TSHZ1: variants seen among roughly 807,000 people sequenced by gnomAD.
TSHZ1 encodes teashirt homolog 1.
In TSHZ1, 12 loss-of-function variants were observed where a neutral mutation model predicts 67.1. The observed-to-expected ratio is 0.18, with a 90% confidence interval of 0.11 to 0.29. The LOEUF is 0.29. Ranked by LOEUF, TSHZ1 falls within the 10% of genes least tolerant of loss-of-function variation. The pLI is 1.00. For synonymous variants in TSHZ1, 632 were observed against 622.4 expected (o/e 1.02, Z -0.23); for missense variants, 1,305 against 1,413.9 (o/e 0.92, Z 1.23).
At chr18:75,231,625 C>T (rs938293933) in intron 1 of TSHZ1, among the ~76,000 whole-genome samples, 11 of 152,154 alleles carry the variant, frequency 7.2e-5, no homozygotes, top group Non-Finnish European at 1.0e-4. Flanking sequence ...ACCTCTGCCT[C>T]CTGGGTTCAA....
chr18:75,288,663 G>A lies in TSHZ1; in HGVS notation c.*22G>A, dbSNP rs749649951. 2.1e-5 allele frequency: 32 copies of A among 1,552,656 alleles called. 2 individuals carry two copies. In the South Asian group the frequency reaches 2.3e-4, roughly 11 times the overall value. ...GTAGCGTCCAGGTATGCAAGAGACCGCGGAACATTGCACTAAACGTCGTCG... is the reference window on the plus strand; with the variant it reads ...GTAGCGTCCAGGTATGCAAGAGACCACGGAACATTGCACTAAACGTCGTCG... On this transcript the variant is annotated 3_prime_UTR_variant, in exon 2 of 2. Transcript: ENST00000580243. The surrounding 1 kb of genome is among the most constrained non-coding windows in gnomAD (Gnocchi z 4.9).
chr18:75,277,205 C>T (rs540240034), intron 1 of TSHZ1, among the ~76,000 whole-genome samples: 1 of 152,212 alleles, frequency 6.6e-6, no homozygotes, highest in Admixed American at 6.5e-5. Context: ...AAGACGGATG[C>T]TGGCTCAGCT....
intron 1 of TSHZ1, among the ~76,000 whole-genome samples, chr18:75,267,967 TAAC>T (rs1384926308): frequency 6.6e-6 from 1 of 152,220 alleles, no homozygotes; most frequent in Admixed American, 6.5e-5. Context: ...AGGGGGTTAT[TAAC>T]AATATAAATC....
rs1029262731 is a variant in TSHZ1 at position 75,288,932 on chromosome 18, A to T, written c.*291A>T. The T allele has an allele frequency of 7.3e-6, 2 of 275,362 alleles. No individual in the cohort carries two copies. Among genetic ancestry groups the T allele is most frequent in the Non-Finnish European group, 1.4e-5 (2 of 140,282 alleles). 17.1% of individuals were successfully genotyped at this position (275,362 alleles called of 1,614,324 possible). On this transcript the variant is annotated 3_prime_UTR_variant, in exon 2 of 2. Transcript: ENST00000580243. This position sits in a 1 kb window ranked among gnomAD's most constrained non-coding sequence, Gnocchi z 4.9. ...ACACTACTCAGAGACATTATTTAGC[A>T]GTAAAGAAAGACACAAATAACAATG...
intron 1 of TSHZ1, among the ~76,000 whole-genome samples, chr18:75,240,180 T>C (rs1250762764): frequency 2.6e-5 from 4 of 152,230 alleles, no homozygotes; most frequent in African/African-American, 4.8e-5. Context: ...TAAGCAAAGC[T>C]AAAATTTGCT....
chr18:75,224,427 G>C (rs1406958748), intron 1 of TSHZ1, among the ~76,000 whole-genome samples: 2 of 152,104 alleles, frequency 1.3e-5, no homozygotes, highest in African/African-American at 4.8e-5. Flanking sequence ...ATCAAGGACA[G>C]GTCATAAAGT....
At chr18:75,222,121 G>C (rs902301033) in intron 1 of TSHZ1, among the ~76,000 whole-genome samples, 1 of 152,084 alleles carries the variant, frequency 6.6e-6, no homozygotes, top group Non-Finnish European at 1.5e-5. Context: ...AGGAAGCCGC[G>C]CACAAAGGTC....
intron 1 of TSHZ1, among the ~76,000 whole-genome samples, chr18:75,217,346 A>G (rs2022783330): frequency 6.6e-6 from 1 of 152,158 alleles, no homozygotes; most frequent in Admixed American, 6.5e-5. Flanking sequence ...GAATCGAATA[A>G]TAGAACTAGT....
At chr18:75,236,012 T>C (rs901466626) in intron 1 of TSHZ1, among the ~76,000 whole-genome samples, 2 of 152,128 alleles carry the variant, frequency 1.3e-5, no homozygotes, top group Non-Finnish European at 2.9e-5. Flanking sequence ...CAAGCTTGCA[T>C]GATAGGAAGC....
In TSHZ1 at chr18:75,228,959, T is replaced by C. The variant is rs138469707; in HGVS notation, c.40+17043T>C. Among the ~76,000 whole-genome samples the C allele has an allele frequency of 2.4e-3, 365 of 152,400 alleles. 1 individual carries two copies. Among genetic ancestry groups the C allele is most frequent in the Non-Finnish European group, 4.1e-3 (280 of 68,032 alleles). ...TGGTAGCTATTAGTGGCTTAGGTCA[T>C]GGCCCTTTGGCCCCTAAGGCGTTTT... On this transcript the variant is annotated intron_variant, in intron 1 of 1. Coordinates refer to ENST00000580243, the MANE Select transcript of TSHZ1 (RefSeq NM_001308210.2).
chr18:75,242,352 G>A (rs150439291), intron 1 of TSHZ1, among the ~76,000 whole-genome samples: 7 of 152,256 alleles, frequency 4.6e-5, no homozygotes, highest in African/African-American at 1.4e-4. Flanking sequence ...GGGAGTCATC[G>A]CATCTACAGG....
At chr18:75,225,991 T>C (rs560304765) in intron 1 of TSHZ1, among the ~76,000 whole-genome samples, 8 of 152,224 alleles carry the variant, frequency 5.3e-5, no homozygotes, top group African/African-American at 1.9e-4. Context: ...AGCAATTAGT[T>C]TGGAAATTAG....
rs751508454 is a variant in TSHZ1 at position 75,287,861 on chromosome 18, G to A, written c.2454G>A (p.Lys818=). ...TTGACTTAACCAAGTCCAAGAACAA[G>A]CCGCTGGTGTCCAGCGTGGCTGATT... ...QPIDLTKSKN[K]PLVSSVADSV... is the part of the protein sequence containing the mutation. Residue 818 remains lysine (K), a synonymous_variant, in exon 2 of 2, where the codon AAG becomes AAA. Coordinates refer to ENST00000580243, the MANE Select transcript of TSHZ1 (RefSeq NM_001308210.2). The surrounding 1 kb of genome is among the most constrained non-coding windows in gnomAD (Gnocchi z 5.0). The A allele has an allele frequency of 1.2e-6, 2 of 1,614,200 alleles. No homozygotes were observed. Among genetic ancestry groups the A allele is most frequent in the Non-Finnish European group, 8.5e-7 (1 of 1,180,050 alleles).
chr18:75,246,729 T>C (rs2023229725), intron 1 of TSHZ1, among the ~76,000 whole-genome samples: 1 of 152,164 alleles, frequency 6.6e-6, no homozygotes, highest in South Asian at 2.1e-4. Context: ...GCTAGTTTAA[T>C]TGAAAGAATA....
chr18:75,221,557 C>T (rs2022845590), intron 1 of TSHZ1, among the ~76,000 whole-genome samples: 1 of 152,172 alleles, frequency 6.6e-6, no homozygotes, highest in Non-Finnish European at 1.5e-5. Flanking sequence ...GGCAAGTCAT[C>T]CCTGGTGCCT....
chr18:75,288,206 T>A lies in TSHZ1; in HGVS notation c.2799T>A (p.Thr933=). Residue 933 remains threonine, a synonymous_variant, in exon 2 of 2, where the codon ACT becomes ACA. Transcript: ENST00000580243. The surrounding 1 kb of genome is among the most constrained non-coding windows in gnomAD (Gnocchi z 4.9). ...AGAGGGTGCACATCTCGAAGTTTAC[T>A]GGGCTCTCCATGACCACCATCAGCC... ...PQERVHISKF[T]GLSMTTISHW... is the part of the protein sequence containing the mutation. 3 of 1,614,232 alleles carry A rather than the reference T, an allele frequency of 1.9e-6. No homozygotes were observed. Among genetic ancestry groups the A allele is most frequent in the Non-Finnish European group, 2.5e-6 (3 of 1,180,038 alleles).
chr18:75,225,789 C>T (rs2022917914), intron 1 of TSHZ1, among the ~76,000 whole-genome samples: 1 of 152,076 alleles, frequency 6.6e-6, no homozygotes, highest in Admixed American at 6.5e-5. Context: ...ATAGCGATAC[C>T]TCAAAGCCAT....
rs567243493 is a variant in TSHZ1 at position 75,235,684 on chromosome 18, ATATTT to A, written c.40+23773_40+23777del. 1.7e-3 allele frequency among the ~76,000 whole-genome samples: 257 copies of A among 152,344 alleles called. 1 individual carries two copies. The highest frequency in any genetic ancestry group is 5.8e-3 in the African/African-American group (240 of 41,576). On this transcript the variant is annotated intron_variant, in intron 1 of 1. Coordinates refer to ENST00000580243, the MANE Select transcript of TSHZ1 (RefSeq NM_001308210.2). ...GTTATCAATATTAACTTCATATGAA[ATATTT>A]TATTATGCATCCTGTGGATGTAAAA...
chr18:75,234,315 T>G lies in TSHZ1; in HGVS notation c.40+22399T>G, dbSNP rs73481925. ...CTCTCCTTAACTCCTTCTTTTCCTT[T>G]CCCTGCTGTCTTTCTTTCCATCCAC... On this transcript the variant is annotated intron_variant, in intron 1 of 1. Transcript: ENST00000580243. 6.7e-3 allele frequency among the ~76,000 whole-genome samples: 1,028 copies of G among 152,318 alleles called. 8 individuals carry two copies. Among genetic ancestry groups the G allele is most frequent in the African/African-American group, 0.024 (977 of 41,562 alleles).
Sources: allele counts gnomAD v4.1 joint callset (sites outside exome capture counted in the v4.1 genomes callset), GRCh38; gene constraint gnomAD v4.1.1; non-coding constraint Gnocchi (gnomAD v3.1); transcripts MANE v1.5; gene names NCBI Gene and HGNC (gene_info 2026-07-23, HGNC 2026-07-21).